The following OR6A2 variants were observed in gnomAD, a reference collection of about 807,000 sequenced individuals.
OR6A2 encodes olfactory receptor family 6 subfamily A member 2, also known as olfactory receptor 6A2.
A neutral mutation model predicts 7.1 loss-of-function variants in OR6A2; 6 were observed. The ratio of observed to expected loss-of-function variants is 0.85; its 90% CI spans 0.46 to 1.68. The LOEUF (loss-of-function observed/expected upper bound fraction) is 1.68, where lower values mean the gene tolerates loss of function less well. OR6A2 is among the 40% of genes most tolerant of loss of function. The pLI is 0.01. For synonymous variants in OR6A2, 162 were observed against 152.1 expected (o/e 1.06, Z -0.48); for missense variants, 431 against 398.0 (o/e 1.08, Z -0.71).
Position 6,792,962 on chromosome 11 carries a change from T to C in OR6A2, c.*1763A>G, listed in dbSNP as rs1294900448. 4.6e-5 allele frequency: 7 copies of C among 152,186 alleles called. No homozygotes were observed. Among genetic ancestry groups the C allele is most frequent in the Non-Finnish European group, 1.5e-5 (1 of 68,030 alleles). 9.4% of individuals were successfully genotyped at this position (152,186 alleles called of 1,614,324 possible). A position where few individuals can be genotyped will look rare whatever the true frequency, so the allele number is the denominator to read the frequency against. On this transcript the variant is annotated 3_prime_UTR_variant, in exon 2 of 2. Coordinates refer to ENST00000641196, the MANE Select transcript of OR6A2 (RefSeq NM_003696.3). ...TACTTGAAATCAGAATTAGAGGTGT[T>C]TTAAAGCATTGGAAAATAAAAGAAA...
Position 6,793,496 on chromosome 11 carries a change from G to C in OR6A2, c.*1229C>G, listed in dbSNP as rs1371891091. On this transcript the variant is annotated 3_prime_UTR_variant, in exon 2 of 2. Transcript: ENST00000641196. ...CCATCTCCCTGTCCAGATAAATAAA[G>C]TTATATATAATATGGGCTAAGAAAA... The C allele has an allele frequency of 6.6e-6, 1 of 151,896 alleles. No individual in the cohort carries two copies. Among genetic ancestry groups the C allele is most frequent in the Admixed American group, 6.6e-5 (1 of 15,218 alleles). The allele number at this position is 151,896 out of a possible 1,614,324, so 9.4% of individuals were successfully genotyped here. A position where few individuals can be genotyped will look rare whatever the true frequency, so the allele number is the denominator to read the frequency against.
chr11:6,798,603 C>T (rs1257719338), intron 1 of OR6A2, among the ~76,000 whole-genome samples: 1 of 152,160 alleles, frequency 6.6e-6, no homozygotes, highest in South Asian at 2.1e-4. Context: ...AGAACACATA[C>T]AAAATCCTCC....
At chr11:6,796,505 A>G (rs1315527576) in intron 1 of OR6A2, among the ~76,000 whole-genome samples, 1 of 152,190 alleles carries the variant, frequency 6.6e-6, no homozygotes, top group African/African-American at 2.4e-5. Context: ...GAATACCAGA[A>G]GGTCACAGTA....
At position 6,795,634 on chromosome 11, in the gene OR6A2, C is replaced by T; in HGVS notation, c.75G>A (p.Gln25=). The part of the protein sequence containing the change: ...LLGFPAPAPL[Q]VLLFALLLLA... ...GCAGCAAAAGGGCAAACAATAGTAC[C>T]TGTAGTGGCGCAGGAGCAGGGAAGC... The change falls in exon 2 of 2, where the codon CAG becomes CAA. Residue 25 remains glutamine, a synonymous_variant. Transcript: ENST00000641196. The T allele has an allele frequency of 1.2e-6, 2 of 1,613,960 alleles. No homozygotes were observed. The highest frequency in any genetic ancestry group is 1.7e-6 in the Non-Finnish European group (2 of 1,179,918).
rs1414042154 is a variant in OR6A2, at chr11:6,794,975, G to T, written c.734C>A (p.Thr245Asn). 23 of 1,614,124 alleles carry T rather than the reference G, an allele frequency of 1.4e-5. No individual in the cohort carries two copies. Among genetic ancestry groups the T allele is most frequent in the Non-Finnish European group, 1.9e-5 (23 of 1,180,002 alleles). Residue 245 changes from threonine to asparagine, a missense_variant, in exon 2 of 2, where the codon ACC (threonine) becomes AAC (asparagine). Coordinates refer to ENST00000641196, the MANE Select transcript of OR6A2 (RefSeq NM_003696.3). Reference protein sequence around the residue: ...SAAGRYKAFSTCASHLTVVII... With the variant: ...SAAGRYKAFSNCASHLTVVII... ...CACAACAGTGAGATGAGAGGCACAGGTGGAAAAGGCCTTATAGCGTCCAGC... is the reference window on the plus strand; with the variant it reads ...CACAACAGTGAGATGAGAGGCACAGTTGGAAAAGGCCTTATAGCGTCCAGC...
In OR6A2 at chr11:6,796,937, G is replaced by T. The variant is rs1847753951; in HGVS notation, c.-176-1053C>A. On this transcript the variant is annotated intron_variant, in intron 1 of 1. Transcript: ENST00000641196. ...TGGGGTAGAGTCAGCTGAGCATCTG[G>T]GTGCGATTTCTTCTCAGATTTCTTA... is the stretch of plus-strand genomic sequence containing the variant. Among the ~76,000 whole-genome samples, 3 of 152,066 alleles carry T rather than the reference G, an allele frequency of 2.0e-5. No individual in the cohort carries two copies. The South Asian group carries it at 6.2e-4, about 32-fold the overall frequency.
rs56386012 is a variant in OR6A2, at chr11:6,797,048, C to G, written c.-176-1164G>C. ...AAACAACCTGCTAATAATTTTATGC[C>G]TGACTTTCTCTTCTCTGTATGCTCT... On this transcript the variant is annotated intron_variant, in intron 1 of 1. Coordinates refer to ENST00000641196, the MANE Select transcript of OR6A2 (RefSeq NM_003696.3). 3.4e-3 allele frequency among the ~76,000 whole-genome samples: 521 copies of G among 152,288 alleles called. 3 individuals are homozygous for G. Among genetic ancestry groups the G allele is most frequent in the African/African-American group, 0.012 (504 of 41,576 alleles).
chr11:6,795,556 C>T lies in OR6A2; in HGVS notation c.153G>A (p.Arg51=). The change falls in exon 2 of 2, where the codon AGG becomes AGA. Residue 51 remains arginine (R), a synonymous_variant. Transcript: ENST00000641196. ...TGGGTTTGTGGAGGGTAGAATGGTT[C>T]CTAATTGCCATAATGATGAGTGTGT... ...TENTLIIMAI[R]NHSTLHKPMY... is the part of the protein sequence containing the mutation. 1 of 1,614,010 alleles carries T rather than the reference C, an allele frequency of 6.2e-7. No individual in the cohort carries two copies. The highest frequency in any genetic ancestry group is 1.3e-5 in the African/African-American group (1 of 74,982).
intron 1 of OR6A2, among the ~76,000 whole-genome samples, chr11:6,797,911 C>G (rs1216694750): frequency 1.3e-5 from 2 of 152,112 alleles, no homozygotes; most frequent in Admixed American, 6.6e-5. Context: ...CCTATTTAGC[C>G]TTCAAGTCTT....
At chr11:6,795,908 A>C in intron 1 of OR6A2, 24 bp from the exon 2 acceptor site, 1 of 520,724 alleles carries the variant, frequency 1.9e-6, no homozygotes, top group Non-Finnish European at 3.4e-6. Context: ...ACAAAAATAA[A>C]TGTTTTTTTT....
chr11:6,798,526 C>G (rs948584547), intron 1 of OR6A2, among the ~76,000 whole-genome samples: 9 of 152,196 alleles, frequency 5.9e-5, no homozygotes, highest in African/African-American at 2.2e-4. Context: ...ATCAATATAA[C>G]TCCCACTTGT....
In OR6A2 at chr11:6,794,440, G is replaced by C; in HGVS notation, c.*285C>G. 5.3e-6 allele frequency: 2 copies of C among 378,218 alleles called. No homozygotes were observed. The highest frequency in any genetic ancestry group is 9.5e-6 in the Non-Finnish European group (2 of 210,570). 23.4% of individuals were successfully genotyped at this position (378,218 alleles called of 1,614,324 possible). A position where few individuals can be genotyped will look rare whatever the true frequency, so the allele number is the denominator to read the frequency against. On this transcript the variant is annotated 3_prime_UTR_variant, in exon 2 of 2. Transcript: ENST00000641196. ...GTGTTGCTTTTCCGTAATGAAGCCT[G>C]TGCTTCCTTGATTGGAACCTTGTCT...
rs1361573752 is a variant in OR6A2 at position 6,795,397 on chromosome 11, T to C, written c.312A>G (p.Thr104=). The C allele has an allele frequency of 6.2e-7, 1 of 1,614,044 alleles. No individual in the cohort carries two copies. The highest frequency in any genetic ancestry group is 2.2e-5 in the East Asian group (1 of 44,868). ...CCAAGCCAAGGAAAAAGTAGAGCTG[T>C]GTCATGCATCCCTCAAAGGAGATTA... The part of the protein sequence containing the change: ...GQLISFEGCM[T]QLYFFLGLGC... Residue 104 remains threonine (T), a synonymous_variant, in exon 2 of 2, where the codon ACA becomes ACG. Transcript: ENST00000641196.
Position 6,795,345 on chromosome 11 carries a change from C to G in OR6A2, c.364G>C (p.Val122Leu), listed in dbSNP as rs1447015338. The G allele has an allele frequency of 1.9e-6, 3 of 1,613,982 alleles. No homozygotes were observed. Among genetic ancestry groups the G allele is most frequent in the East Asian group, 2.2e-5 (1 of 44,870 alleles). ...LGCTECVLLA[V>L]MAYDRYMAIC... is the part of the protein sequence containing the mutation. ...GCCATATAGCGATCATAGGCCATAA[C>G]AGCGAGAAGGACACACTCAGTGCAG... is the stretch of plus-strand genomic sequence containing the variant. The change falls in exon 2 of 2, where the codon GTT (valine) becomes CTT (leucine). Residue 122 changes from valine (V) to leucine (L), a missense_variant. Transcript: ENST00000641196.
rs976570419 is a variant in OR6A2 at position 6,793,855 on chromosome 11, T to C, written c.*870A>G. ...CTTATTTCCTTTCCTTGTTTCTGTA[T>C]TTATAAGTAAAAGTGTCTATCTGCA... On this transcript the variant is annotated 3_prime_UTR_variant, in exon 2 of 2. Transcript: ENST00000641196. 3 of 152,190 alleles carry C rather than the reference T, an allele frequency of 2.0e-5. No individual in the cohort carries two copies. Among genetic ancestry groups the C allele is most frequent in the Non-Finnish European group, 2.9e-5 (2 of 68,020 alleles). 9.4% of individuals were successfully genotyped at this position (152,190 alleles called of 1,614,324 possible).
At chr11:6,795,949 T>C in intron 1 of OR6A2, 65 bp from the exon 2 acceptor site, 1 of 452,370 alleles carries the variant, frequency 2.2e-6, no homozygotes, top group Non-Finnish European at 3.9e-6. Flanking sequence ...AGGAGTCTGT[T>C]CTGACCTTTG....
Position 6,795,609 on chromosome 11 carries a change from G to C in OR6A2, c.100C>G (p.Leu34Val), listed in dbSNP as rs987560686. 6.2e-7 allele frequency: 1 copy of C among 1,614,018 alleles called. No homozygotes were observed. The highest frequency in any genetic ancestry group is 8.5e-7 in the Non-Finnish European group (1 of 1,179,942). ...LQVLLFALLL[L>V]AYVLVLTENT... is the part of the protein sequence containing the mutation. The stretch of plus-strand genomic sequence containing the variant: ...TCAGTCAGCACCAACACATAGGCCA[G>C]CAGCAAAAGGGCAAACAATAGTACC... The change falls in exon 2 of 2, where the codon CTG becomes GTG. Residue 34 changes from leucine to valine, a missense_variant. Transcript: ENST00000641196.
In OR6A2 at chr11:6,795,421, T is replaced by C. The variant is rs1564904934; in HGVS notation, c.288A>G (p.Leu96=). ...FVGSKQDHGQ[L]ISFEGCMTQL... ...GTGTCATGCATCCCTCAAAGGAGATTAGCTGTCCATGATCCTGTTTGGATC... is the reference window on the plus strand; with the variant it reads ...GTGTCATGCATCCCTCAAAGGAGATCAGCTGTCCATGATCCTGTTTGGATC... Residue 96 remains leucine (L), a synonymous_variant, in exon 2 of 2, where the codon CTA becomes CTG. Coordinates refer to ENST00000641196, the MANE Select transcript of OR6A2 (RefSeq NM_003696.3). 6.2e-7 allele frequency: 1 copy of C among 1,614,120 alleles called. No homozygotes were observed. Among genetic ancestry groups the C allele is most frequent in the Non-Finnish European group, 8.5e-7 (1 of 1,179,998 alleles).
chr11:6,795,627 A>G lies in OR6A2; in HGVS notation c.82T>C (p.Leu28=). ...TAGGCCAGCAGCAAAAGGGCAAACA[A>G]TAGTACCTGTAGTGGCGCAGGAGCA... ...FPAPAPLQVL[L]FALLLLAYVL... is the part of the protein sequence containing the mutation. Residue 28 remains leucine (L), a synonymous_variant, in exon 2 of 2, where the codon TTG becomes CTG. Coordinates refer to ENST00000641196, the MANE Select transcript of OR6A2 (RefSeq NM_003696.3). 1.9e-6 allele frequency: 3 copies of G among 1,614,020 alleles called. No homozygotes were observed. The highest frequency in any genetic ancestry group is 2.2e-5 in the East Asian group (1 of 44,868).
Sources: allele counts gnomAD v4.1 joint callset (sites outside exome capture counted in the v4.1 genomes callset), GRCh38; gene constraint gnomAD v4.1.1; transcripts MANE v1.5; gene names NCBI Gene and HGNC (gene_info 2026-07-23, HGNC 2026-07-21).